Variants in VAV2 observed in about 807,000 individuals in gnomAD.
The protein encoded by VAV2 is guanine nucleotide exchange factor VAV2.
Under a neutral mutation model 132.5 loss-of-function variants are expected in VAV2, and 67 were observed. The observed-to-expected ratio is 0.51, with a 90% CI of 0.42 to 0.62. The LOEUF is 0.62. Among genes scored for constraint, VAV2 ranks in the 20% least tolerant of loss-of-function variants. The probability of loss-of-function intolerance (pLI) is 0.00; values close to 1 mark genes in which losing one functional copy is unlikely to be tolerated. For synonymous variants in VAV2, 492 were observed against 443.5 expected, an observed-to-expected ratio of 1.11 and a Z score of -1.37; for missense variants, 938 against 1,153.6, an observed-to-expected ratio of 0.81 and a Z score of 2.71.
chr9:133,864,853 G>A (rs749544253), intron 2 of VAV2, among the ~76,000 whole-genome samples: 1 of 152,220 alleles, frequency 6.6e-6, no homozygotes, highest in Non-Finnish European at 1.5e-5. Flanking sequence ...GGGAAGCAGA[G>A]GGTTCAGGAA....
chr9:133,763,816 G>A lies in VAV2; in HGVS notation c.*246C>T, dbSNP rs766901330. 1.2e-4 allele frequency: 62 copies of A among 525,612 alleles called. No homozygotes were observed. The highest frequency in any genetic ancestry group is 1.7e-4 in the Non-Finnish European group (49 of 291,022). The allele number at this position is 525,612 out of a possible 1,614,324, so 32.6% of individuals were successfully genotyped here. A position where few individuals can be genotyped will look rare whatever the true frequency, so the allele number is the denominator to read the frequency against. ...GCGCTGTCGGTGCCCCCTCCTCTGC[G>A]CTCTGGGTGGGGCTAGCCCAGGTTT... On this transcript the variant is annotated 3_prime_UTR_variant, in exon 30 of 30. Transcript: ENST00000371850. This position sits in a 1 kb window ranked among gnomAD's most constrained non-coding sequence, Gnocchi z 6.8.
chr9:133,815,837 C>T (rs1401257665), intron 4 of VAV2, among the ~76,000 whole-genome samples: 1 of 152,160 alleles, frequency 6.6e-6, no homozygotes, highest in African/African-American at 2.4e-5. Flanking sequence ...GCTTTCTTTT[C>T]CTTTGGAAAC....
intron 17 of VAV2, 118 bp downstream of exon 17, chr9:133,785,658 C>T: frequency 1.1e-6 from 1 of 882,430 alleles, no homozygotes; most frequent in East Asian, 2.7e-5. Context: ...CCTGACGTTC[C>T]AACTTTGCCT....
At chr9:133,971,014 A>G (rs1278649981) in intron 1 of VAV2, among the ~76,000 whole-genome samples, 2 of 152,218 alleles carry the variant, frequency 1.3e-5, no homozygotes, top group Non-Finnish European at 2.9e-5. Context: ...TTGAAATAAA[A>G]AATATATATA....
At chr9:133,770,883 T>C (rs1833597516) in intron 26 of VAV2, among the ~76,000 whole-genome samples, 3 of 151,996 alleles carry the variant, frequency 2.0e-5, no homozygotes, top group Admixed American at 2.0e-4. Context: ...TCATTAATGG[T>C]GAATGTTTGT....
chr9:133,975,879 T>C (rs1842487772), intron 1 of VAV2, among the ~76,000 whole-genome samples: 2 of 152,090 alleles, frequency 1.3e-5, no homozygotes, highest in Non-Finnish European at 2.9e-5. Context: ...CTCCCACACT[T>C]CTTCTCTTGT....
At position 133,906,178 on chromosome 9, in the gene VAV2, C is replaced by T. The variant is rs567648199; in HGVS notation, c.321+32925G>A. ...CTACAGGTGCTGGCCCCTCCATGGC[C>T]TGGGGCTCTGTGGGGACCTTCAAAC... On this transcript the variant is annotated intron_variant, in intron 2 of 29. Transcript: ENST00000371850. 2.6e-5 allele frequency among the ~76,000 whole-genome samples: 4 copies of T among 152,348 alleles called. No individual in the cohort carries two copies. In the East Asian group the frequency reaches 7.7e-4, roughly 29 times the overall value.
chr9:133,797,012 G>A (rs1834744999), intron 10 of VAV2, among the ~76,000 whole-genome samples: 3 of 152,218 alleles, frequency 2.0e-5, no homozygotes, highest in Admixed American at 2.0e-4. Flanking sequence ...ACTGGACTTG[G>A]GGGGCATCGT....
intron 3 of VAV2, among the ~76,000 whole-genome samples, chr9:133,844,481 G>A (rs118147440): frequency 0.015 from 2,270 of 152,348 alleles, 27 homozygotes; most frequent in South Asian, 0.036. Flanking sequence ...GGACAGGGGC[G>A]TTGCGGCCCA....
chr9:133,952,753 C>G (rs1841604479), intron 1 of VAV2, among the ~76,000 whole-genome samples: 1 of 152,210 alleles, frequency 6.6e-6, no homozygotes, highest in Admixed American at 6.5e-5. Context: ...CAGCCACAAG[C>G]CAAGGAGTGC....
At chr9:133,825,685 G>A (rs1038804055) in intron 4 of VAV2, among the ~76,000 whole-genome samples, 9 of 152,110 alleles carry the variant, frequency 5.9e-5, no homozygotes, top group African/African-American at 1.7e-4. Flanking sequence ...GGACAACGGC[G>A]GGGAGGGTGG....
Position 133,885,690 on chromosome 9 carries a change from G to A in VAV2, c.322-24258C>T, listed in dbSNP as rs1838676310. 6.6e-6 allele frequency among the ~76,000 whole-genome samples: 1 copy of A among 152,168 alleles called. No homozygotes were observed. On this transcript the variant is annotated intron_variant, in intron 2 of 29. Transcript: ENST00000371850. This position sits in a 1 kb window ranked among gnomAD's most constrained non-coding sequence, Gnocchi z 5.0. Reference sequence around the variant, plus strand: ...AACAGCTCTGAAATGACTGGACTCTGCATCTGGCCTCACCAGGTGATGCTC... The same window carrying A: ...AACAGCTCTGAAATGACTGGACTCTACATCTGGCCTCACCAGGTGATGCTC...
rs7020602 is a variant in VAV2, at chr9:133,939,196, G to T, written c.228C>A (p.Arg76=). Residue 76 remains arginine, a synonymous_variant, in exon 2 of 30, where the codon CGC becomes CGA. Coordinates refer to ENST00000371850, the MANE Select transcript of VAV2 (RefSeq NM_001134398.2). ...MSQFLCLKNI[R]TFLKVCHDKF... is the part of the protein sequence containing the mutation. The stretch of plus-strand genomic sequence containing the variant: ...TATCGTGGCAGACTTTCAGGAAGGT[G>T]CGTATGTTCTTCAAACACAGAAACT... 1 of 1,614,280 alleles carries T rather than the reference G, an allele frequency of 6.2e-7. No homozygotes were observed. The highest frequency in any genetic ancestry group is 8.5e-7 in the Non-Finnish European group (1 of 1,180,054).
Position 133,791,878 on chromosome 9 carries a change from CAA to C in VAV2, c.1102-11_1102-10del. ...ATGTACATCGCCAAGTCCTTGAAAA[CAA>C]GAGGCAGAGGTGAGCGGGCTGTGCT... On this transcript the variant is annotated splice_polypyrimidine_tract_variant and intron_variant, in intron 12 of 29. Transcript: ENST00000371850. 2 of 1,572,008 alleles carry C rather than the reference CAA, an allele frequency of 1.3e-6. No homozygotes were observed. The highest frequency in any genetic ancestry group is 1.7e-6 in the Non-Finnish European group (2 of 1,160,166).
At chr9:133,956,678 C>T (rs1377710966) in intron 1 of VAV2, among the ~76,000 whole-genome samples, 10 of 152,184 alleles carry the variant, frequency 6.6e-5, no homozygotes, top group Admixed American at 5.2e-4. Flanking sequence ...CCAGGCCCCT[C>T]GGCTGGTGGG....
chr9:133,891,807 GA>G (rs147864017), intron 2 of VAV2, among the ~76,000 whole-genome samples: 1 of 20,792 alleles, frequency 4.8e-5, no homozygotes. Flanking sequence ...GGGAGGGAGG[GA>G]GAGGGATGGA....
chr9:133,835,887 G>A (rs1156515678), intron 3 of VAV2, among the ~76,000 whole-genome samples: 1 of 152,200 alleles, frequency 6.6e-6, no homozygotes, highest in Non-Finnish European at 1.5e-5. Flanking sequence ...CCTGGTAAAA[G>A]CCCGTGTCCA....
At chr9:133,814,014 C>T (rs1049019734) in intron 4 of VAV2, among the ~76,000 whole-genome samples, 13 of 152,212 alleles carry the variant, frequency 8.5e-5, no homozygotes, top group Non-Finnish European at 1.6e-4. Flanking sequence ...CTCTCCCCAC[C>T]CGCCCTCCAC....
At chr9:133,888,926 C>T (rs145243141) in intron 2 of VAV2, among the ~76,000 whole-genome samples, 43 of 152,304 alleles carry the variant, frequency 2.8e-4, no homozygotes, top group African/African-American at 9.6e-4. Context: ...GCGGACAGCC[C>T]GTCATTCGCA....
Sources: allele counts gnomAD v4.1 joint callset (sites outside exome capture counted in the v4.1 genomes callset), GRCh38; gene constraint gnomAD v4.1.1; non-coding constraint Gnocchi (gnomAD v3.1); transcripts MANE v1.5; gene names NCBI Gene and HGNC (gene_info 2026-07-23, HGNC 2026-07-21).